Variants in LTBP1 observed in about 807,000 individuals in gnomAD.
The protein encoded by LTBP1 is latent transforming growth factor beta binding protein 1, also known as latent-transforming growth factor beta-binding protein 1.
In LTBP1, 129 loss-of-function variants were observed where a neutral mutation model predicts 207.6. The ratio of observed to expected loss-of-function variants is 0.62; its 90% confidence interval spans 0.54 to 0.72. LTBP1 has a LOEUF of 0.72. Among genes scored for constraint, LTBP1 ranks in the 30% least tolerant of loss-of-function variants. The pLI is 0.00. For synonymous variants in LTBP1, 963 were observed against 833.7 expected (o/e 1.16, Z -2.67); for missense variants, 2,281 against 2,217.2 (o/e 1.03, Z -0.58).
intron 31 of LTBP1, among the ~76,000 whole-genome samples, chr2:33,382,369 A>G (rs943299570): frequency 2.0e-5 from 3 of 152,136 alleles, no homozygotes; most frequent in African/African-American, 4.8e-5. Context: ...TGCTGGGATT[A>G]TAGGCGTGAG....
intron 12 of LTBP1, 91 bp downstream of exon 12, chr2:33,257,602 C>T: frequency 1.9e-6 from 2 of 1,080,694 alleles, no homozygotes; most frequent in Middle Eastern, 2.7e-4. Flanking sequence ...AACAGAGTTT[C>T]TCAGCCTAAG....
At chr2:32,985,840 T>G (rs1375604988) in intron 2 of LTBP1, among the ~76,000 whole-genome samples, 1 of 152,108 alleles carries the variant, frequency 6.6e-6, no homozygotes, top group Non-Finnish European at 1.5e-5. Context: ...AACCCCTTCT[T>G]TTCTTCTGGA....
At chr2:33,323,163 C>T (rs1441308050) in intron 24 of LTBP1, among the ~76,000 whole-genome samples, 1 of 152,132 alleles carries the variant, frequency 6.6e-6, no homozygotes, top group Non-Finnish European at 1.5e-5. Flanking sequence ...TCTAAACGTG[C>T]TCAGAACACT....
intron 16 of LTBP1, 25 bp downstream of exon 16, chr2:33,273,806 A>G (rs1213974767): frequency 6.4e-7 from 1 of 1,563,720 alleles, no homozygotes; most frequent in East Asian, 2.3e-5. Flanking sequence ...GATTGACTAA[A>G]TTATTAAATA....
At chr2:33,136,123 G>A (rs1243044761) in intron 5 of LTBP1, among the ~76,000 whole-genome samples, 3 of 152,170 alleles carry the variant, frequency 2.0e-5, no homozygotes, top group Non-Finnish European at 2.9e-5. Context: ...TTGATCGTCT[G>A]TACTTGGAAA....
rs559607191 is a variant in LTBP1 at position 33,315,172 on chromosome 2, C to T, written c.3633C>T (p.Leu1211=). 5 of 1,609,612 alleles carry T rather than the reference C, an allele frequency of 3.1e-6. No individual in the cohort carries two copies. The African/African-American group carries it at 4.0e-5, about 13-fold the overall frequency. ...TTAATGAATGTGAACATCCAGGGCT[C>T]TGTGGTCCGCAAGGGGAGTGCCTAA... ...QDINECEHPG[L]CGPQGECLNT... is the part of the protein sequence containing the mutation. Residue 1211 remains leucine, a synonymous_variant, in exon 24 of 34, where the codon CTC becomes CTT. Transcript: ENST00000404816.
At chr2:33,274,459 G>T (rs1389254685) in intron 16 of LTBP1, among the ~76,000 whole-genome samples, 1 of 152,034 alleles carries the variant, frequency 6.6e-6, no homozygotes, top group Non-Finnish European at 1.5e-5. Context: ...TGGTGTGTGT[G>T]TATGGGGGAG....
chr2:32,955,941 A>G (rs530034152), intron 2 of LTBP1, among the ~76,000 whole-genome samples: 2 of 152,338 alleles, frequency 1.3e-5, no homozygotes, highest in South Asian at 2.1e-4. Context: ...AAATATCTCA[A>G]TAAAGTGAGT....
chr2:33,123,410 G>A (rs900758738), intron 4 of LTBP1, among the ~76,000 whole-genome samples: 1 of 151,728 alleles, frequency 6.6e-6, no homozygotes, highest in African/African-American at 2.4e-5. Context: ...TTTGGTATGG[G>A]TTTTCTGGCA....
chr2:33,021,226 A>T lies in LTBP1; in HGVS notation c.863+20A>T. ...TTCTCAGTGAGTGTTTCGAACTTTC[A>T]TTTAGCTAAGGATCATCTTAATTAC... is the stretch of plus-strand genomic sequence containing the variant. On this transcript the variant is annotated intron_variant, in intron 3 of 33. Coordinates refer to ENST00000404816, the MANE Select transcript of LTBP1 (RefSeq NM_206943.4). The T allele has an allele frequency of 2.6e-6, 4 of 1,564,262 alleles. No homozygotes were observed. Among genetic ancestry groups the T allele is most frequent in the Non-Finnish European group, 3.5e-6 (4 of 1,149,272 alleles).
At chr2:33,034,916 C>G (rs2075848226) in intron 3 of LTBP1, among the ~76,000 whole-genome samples, 1 of 152,078 alleles carries the variant, frequency 6.6e-6, no homozygotes, top group East Asian at 1.9e-4. Flanking sequence ...AGGTGGCAAG[C>G]TTTGCTTTTC....
intron 2 of LTBP1, among the ~76,000 whole-genome samples, chr2:33,010,820 A>G (rs1261904037): frequency 2.0e-5 from 3 of 151,186 alleles, no homozygotes; most frequent in Admixed American, 6.6e-5. Context: ...CCTGGGTTCA[A>G]GTGATTCTTC....
intron 4 of LTBP1, among the ~76,000 whole-genome samples, chr2:33,133,590 G>T (rs1361733543): frequency 6.6e-6 from 1 of 152,178 alleles, no homozygotes; most frequent in Middle Eastern, 3.2e-3. Context: ...GCAGTGAAGG[G>T]CAGGTCTGGG....
rs2093054619 is a variant in LTBP1 at position 33,262,767 on chromosome 2, C to G, written c.2464C>G (p.Gln822Glu). 1 of 1,606,292 alleles carries G rather than the reference C, an allele frequency of 6.2e-7. No homozygotes were observed. The highest frequency in any genetic ancestry group is 1.3e-5 in the African/African-American group (1 of 74,696). The change falls in exon 14 of 34, where the codon CAA becomes GAA. Residue 822 changes from glutamine (Q) to glutamate (E), a missense_variant. This residue lies in a region of LTBP1 where 1,671 missense variants were observed against 1,634.8 expected (regional missense o/e 1.02). Transcript: ENST00000404816. ...DQEKTKLEPG[Q>E]PQLSPGISTI... ...AGAGAAAACCAAACTTGAGCCTGGTCAACCCCAGCTGTCTCCAGGCATTTC... is the reference window on the plus strand; with the variant it reads ...AGAGAAAACCAAACTTGAGCCTGGTGAACCCCAGCTGTCTCCAGGCATTTC...
chr2:33,100,599 A>G (rs1051601214), intron 3 of LTBP1, among the ~76,000 whole-genome samples: 1 of 152,170 alleles, frequency 6.6e-6, no homozygotes, highest in Non-Finnish European at 1.5e-5. Flanking sequence ...AGTTCATGGA[A>G]GTACATGCAC....
Position 33,399,063 on chromosome 2 carries a change from T to C in LTBP1, c.*518T>C, listed in dbSNP as rs976515857. On this transcript the variant is annotated 3_prime_UTR_variant, in exon 34 of 34. Coordinates refer to ENST00000404816, the MANE Select transcript of LTBP1 (RefSeq NM_206943.4). ...ATGCAATTCCCGGCCTGGAGCATTT[T>C]TGAAATTCAAATTGTCTGTCCTGTG... The C allele has an allele frequency of 6.5e-6, 1 of 152,698 alleles. No individual in the cohort carries two copies. Among genetic ancestry groups the C allele is most frequent in the East Asian group, 1.9e-4 (1 of 5,200 alleles). 9.5% of individuals were successfully genotyped at this position (152,698 alleles called of 1,614,324 possible).
Position 33,335,719 on chromosome 2 carries a change from G to A in LTBP1, c.3731-7119G>A, listed in dbSNP as rs541309779. ...TAAAATTCTTTTGGGCAGCTATTCA[G>A]CTGGTTTAACATCTTTCACTCCCAC... is the stretch of plus-strand genomic sequence containing the variant. On this transcript the variant is annotated intron_variant, in intron 24 of 33. Transcript: ENST00000404816. Among the ~76,000 whole-genome samples, 26 of 152,286 alleles carry A rather than the reference G, an allele frequency of 1.7e-4. No homozygotes were observed. In the South Asian group the frequency reaches 5.2e-3, roughly 30 times the overall value.
rs193028287 is a variant in LTBP1, at chr2:33,262,852, G to T, written c.2518+31G>T. Reference sequence around the variant, plus strand: ...CTGTGTTGATCTGTGCTGTTTGTCAGAGTATTCTGAATAAAAATGTAAGAC... The same window carrying T: ...CTGTGTTGATCTGTGCTGTTTGTCATAGTATTCTGAATAAAAATGTAAGAC... On this transcript the variant is annotated intron_variant, in intron 14 of 33. Coordinates refer to ENST00000404816, the MANE Select transcript of LTBP1 (RefSeq NM_206943.4). 8 of 1,483,762 alleles carry T rather than the reference G, an allele frequency of 5.4e-6. No individual in the cohort carries two copies. The South Asian group carries it at 7.4e-5, about 14-fold the overall frequency. The allele number at this position is 1,483,762 out of a possible 1,614,324, so 91.9% of individuals were successfully genotyped here. A position where few individuals can be genotyped will look rare whatever the true frequency, so the allele number is the denominator to read the frequency against.
In LTBP1 at chr2:33,364,363, T is replaced by G. The variant is rs754174853; in HGVS notation, c.4540+7T>G. 18 of 1,608,748 alleles carry G rather than the reference T, an allele frequency of 1.1e-5. No individual in the cohort carries two copies. The highest frequency in any genetic ancestry group is 1.5e-5 in the Non-Finnish European group (18 of 1,178,606). ...CGACCGGCTGAGTCAAACGGTATGT[T>G]TCCAGGAGATGCAAACCTGTGTCCA... On this transcript the variant is annotated splice_region_variant and intron_variant, in intron 30 of 33. Transcript: ENST00000404816.
Sources: gnomAD v4.1 joint callset for allele counts (sites outside exome capture counted in the v4.1 genomes callset) on GRCh38, gnomAD v4.1.1 for gene constraint, gnomAD v4.1.1 regional missense constraint, MANE v1.5 for transcripts, NCBI Gene and HGNC (gene_info 2026-07-23, HGNC 2026-07-21) for gene names.